The following BAZ1B variants were observed in gnomAD, a reference collection of about 807,000 sequenced individuals.
BAZ1B encodes bromodomain adjacent to zinc finger domain 1B.
BAZ1B carries 22 observed loss-of-function variants against 153.8 expected under a neutral mutation model. The observed-to-expected ratio is 0.14, with a 90% CI of 0.10 to 0.20. The LOEUF is 0.20. Among genes scored for constraint, BAZ1B ranks in the 10% least tolerant of loss-of-function variants. The probability of loss-of-function intolerance (pLI) is 1.00; values close to 1 mark genes in which losing one functional copy is unlikely to be tolerated. For missense variants in BAZ1B, 1,325 were observed against 1,799.3 expected, an observed-to-expected ratio of 0.74 and a Z score of 4.77; for synonymous variants, 676 against 633.4, an observed-to-expected ratio of 1.07 and a Z score of -1.01.
At chr7:73,516,414 C>T (rs1404276504) in intron 1 of BAZ1B, among the ~76,000 whole-genome samples, 3 of 152,018 alleles carry the variant, frequency 2.0e-5, no homozygotes, top group African/African-American at 7.3e-5. Flanking sequence ...TTGGACAGCA[C>T]TGAAACCTGA....
intron 13 of BAZ1B, 79 bp from the exon 14 acceptor site, chr7:73,451,073 T>C: frequency 6.6e-7 from 1 of 1,525,386 alleles, no homozygotes; most frequent in Non-Finnish European, 8.9e-7. Flanking sequence ...GGGGACAGTA[T>C]GAGAGAATTC....
chr7:73,489,453 C>T, intron 5 of BAZ1B, 62 bp from the exon 6 acceptor site: 1 of 1,548,158 alleles, frequency 6.5e-7, no homozygotes, highest in Non-Finnish European at 8.9e-7. Flanking sequence ...CAAATGAGAA[C>T]AAGCAATATA....
At position 73,450,022 on chromosome 7, in the gene BAZ1B, A is replaced by G. The variant is rs1396370299; in HGVS notation, c.3581-333T>C. Among the ~76,000 whole-genome samples, 5 of 151,762 alleles carry G rather than the reference A, an allele frequency of 3.3e-5. No homozygotes were observed. Among genetic ancestry groups the G allele is most frequent in the African/African-American group, 9.7e-5 (4 of 41,316 alleles). ...TTTCGACCTCCCCAAACGTTTCTCAACTTATGCCTGATGAGTGTTCTCTCT... is the reference window on the plus strand; with the variant it reads ...TTTCGACCTCCCCAAACGTTTCTCAGCTTATGCCTGATGAGTGTTCTCTCT... On this transcript the variant is annotated intron_variant, in intron 14 of 19. Transcript: ENST00000339594. This position sits in a 1 kb window ranked among gnomAD's most constrained non-coding sequence, Gnocchi z 4.1.
At chr7:73,485,625 G>GAAA (rs71517389) in intron 6 of BAZ1B, among the ~76,000 whole-genome samples, 5 of 76,200 alleles carry the variant, frequency 6.6e-5, no homozygotes, top group Non-Finnish European at 8.6e-5. Flanking sequence ...GCCTACCTCA[G>GAAA]AAAAAAAAAA....
Position 73,458,664 on chromosome 7 carries a change from ACT to A in BAZ1B, c.3432+870_3432+871del, listed in dbSNP as rs1268936136. Among the ~76,000 whole-genome samples the A allele has an allele frequency of 4.3e-5, 5 of 117,264 alleles. No individual in the cohort carries two copies. In the Admixed American group the frequency reaches 4.9e-4, roughly 12 times the overall value. The allele number at this position is 117,264 out of a possible 152,430, so 76.9% of individuals were successfully genotyped here. On this transcript the variant is annotated intron_variant, in intron 13 of 19. Coordinates refer to ENST00000339594, the MANE Select transcript of BAZ1B (RefSeq NM_032408.4). ...ACACTCCAGCCTAGGCAAGAGTGGG[ACT>A]CTTTCTCCAAAAAAAAAAAAAAAAG...
intron 8 of BAZ1B, 73 bp downstream of exon 8, chr7:73,470,272 T>G (rs1788748944): frequency 6.9e-7 from 1 of 1,456,640 alleles, no homozygotes; most frequent in African/African-American, 1.4e-5. Flanking sequence ...ATTCTTGTAC[T>G]TTAGAAAATT....
At chr7:73,486,905 G>A (rs1789433135) in intron 6 of BAZ1B, among the ~76,000 whole-genome samples, 1 of 152,190 alleles carries the variant, frequency 6.6e-6, no homozygotes, top group South Asian at 2.1e-4. Flanking sequence ...AGAAGCCAAA[G>A]TCCTAATTTT....
At chr7:73,507,198 T>C (rs1583949422) in intron 3 of BAZ1B, 1 of 152,098 alleles carries the variant, frequency 6.6e-6, no homozygotes, top group African/African-American at 2.4e-5. Flanking sequence ...TTCAACATAG[T>C]AACAATTATG....
At chr7:73,490,488 ATC>A (rs1789593069) in intron 5 of BAZ1B, among the ~76,000 whole-genome samples, 1 of 152,096 alleles carries the variant, frequency 6.6e-6, no homozygotes, top group South Asian at 2.1e-4. Flanking sequence ...ATCAGATACT[ATC>A]TCTTTCTTAT....
chr7:73,465,804 T>G (rs781850858), intron 10 of BAZ1B, among the ~76,000 whole-genome samples: 22 of 152,138 alleles, frequency 1.4e-4, no homozygotes, highest in Non-Finnish European at 2.2e-4. Flanking sequence ...CTTGTCCCTT[T>G]CCCTCCAGAG....
chr7:73,512,028 C>CA (rs1168749967), intron 1 of BAZ1B, among the ~76,000 whole-genome samples: 1,457 of 34,738 alleles, frequency 0.042, 183 homozygotes, highest in Non-Finnish European at 0.051. Flanking sequence ...AACTCCACCT[C>CA]AAAAAAAAAA....
intron 9 of BAZ1B, 110 bp downstream of exon 9, chr7:73,469,407 C>CAT (rs1175431098): frequency 7.2e-7 from 1 of 1,383,248 alleles, no homozygotes. Flanking sequence ...GATCTAAGAC[C>CAT]ACAATAAAGA....
At chr7:73,512,708 G>A (rs1563404441) in intron 1 of BAZ1B, among the ~76,000 whole-genome samples, 2 of 152,310 alleles carry the variant, frequency 1.3e-5, no homozygotes, top group East Asian at 1.9e-4. Context: ...AAAATCAACT[G>A]ACATAAGTAG....
chr7:73,481,657 A>G (rs1789205250), intron 6 of BAZ1B, among the ~76,000 whole-genome samples: 1 of 152,102 alleles, frequency 6.6e-6, no homozygotes, highest in Non-Finnish European at 1.5e-5. Context: ...TGGCTAAGCT[A>G]TCTAACTTCA....
intron 13 of BAZ1B, among the ~76,000 whole-genome samples, chr7:73,457,007 C>T (rs926154683): frequency 1.5e-5 from 2 of 134,248 alleles, no homozygotes; most frequent in Non-Finnish European, 3.1e-5. Flanking sequence ...AAAACCAGAA[C>T]CCTCATGAGT....
At chr7:73,444,423 G>T (rs962741818) in intron 16 of BAZ1B, among the ~76,000 whole-genome samples, 2 of 152,194 alleles carry the variant, frequency 1.3e-5, no homozygotes, top group African/African-American at 4.8e-5. Flanking sequence ...CCAGCCATAA[G>T]GCCCCTGCAG....
Position 73,450,387 on chromosome 7 carries a change from C to T in BAZ1B, c.3580+460G>A, listed in dbSNP as rs1053295688. Among the ~76,000 whole-genome samples the T allele has an allele frequency of 1.2e-4, 19 of 152,118 alleles. No individual in the cohort carries two copies. The highest frequency in any genetic ancestry group is 2.4e-4 in the Non-Finnish European group (16 of 68,026). On this transcript the variant is annotated intron_variant, in intron 14 of 19. Coordinates refer to ENST00000339594, the MANE Select transcript of BAZ1B (RefSeq NM_032408.4). This position sits in a 1 kb window ranked among gnomAD's most constrained non-coding sequence, Gnocchi z 4.1. ...ATCTCTAACCTAACTCAGAAAATAA[C>T]TCTAGCCACTGAAAAGCCAATCAGC...
At chr7:73,452,615 G>A (rs1430590910) in intron 13 of BAZ1B, among the ~76,000 whole-genome samples, 1 of 151,680 alleles carries the variant, frequency 6.6e-6, no homozygotes, top group Non-Finnish European at 1.5e-5. Context: ...CCAGCTACTC[G>A]GGAGACTGAG....
intron 1 of BAZ1B, among the ~76,000 whole-genome samples, chr7:73,519,336 C>A (rs1790936978): frequency 6.6e-6 from 1 of 152,136 alleles, no homozygotes; most frequent in Admixed American, 6.6e-5. Flanking sequence ...TGTTACCTAA[C>A]CACATATTTG....
Sources: allele counts gnomAD v4.1 joint callset (sites outside exome capture counted in the v4.1 genomes callset), GRCh38; gene constraint gnomAD v4.1.1; non-coding constraint Gnocchi (gnomAD v3.1); transcripts MANE v1.5; gene names NCBI Gene and HGNC (gene_info 2026-07-23, HGNC 2026-07-21).